CYP4F2: variants seen among roughly 807,000 people sequenced by gnomAD.
The protein encoded by CYP4F2 is cytochrome P450 4F2.
A neutral mutation model predicts 58.9 loss-of-function variants in CYP4F2; 58 were observed. The ratio of observed to expected loss-of-function variants is 0.98; its 90% confidence interval spans 0.80 to 1.23. The LOEUF (loss-of-function observed/expected upper bound fraction) is 1.23. Ranked by LOEUF, CYP4F2 falls within the 50% of genes most tolerant of loss-of-function variation. The pLI is 0.00. For missense variants in CYP4F2, 616 were observed against 685.6 expected (o/e 0.90, Z 1.13); for synonymous variants, 287 against 261.1 (o/e 1.10, Z -0.95).
chr19:15,886,001 C>A lies in CYP4F2; in HGVS notation c.1038G>T (p.Lys346Asn), dbSNP rs189733293. ...GGCAGCGCTCCTGGTATTCTGGGTGCTTTGCAAGGTGGTACAGGACCCAGG... is the reference window on the plus strand; with the variant it reads ...GGCAGCGCTCCTGGTATTCTGGGTGATTTGCAAGGTGGTACAGGACCCAGG... ...GLSWVLYHLA[K>N]HPEYQERCRQ... Residue 346 changes from lysine to asparagine, a missense_variant, in exon 9 of 13, where the codon AAG (lysine) becomes AAT (asparagine). Lys to Asn is a moderately conservative substitution (Grantham distance 94). Transcript: ENST00000221700. 1.9e-6 allele frequency: 3 copies of A among 1,614,132 alleles called. No individual in the cohort carries two copies. The Admixed American group carries it at 5.0e-5, about 27-fold the overall frequency.
intron 9 of CYP4F2, among the ~76,000 whole-genome samples, chr19:15,882,183 C>T (rs190711712): frequency 9.9e-5 from 15 of 151,012 alleles, no homozygotes; most frequent in Admixed American, 8.6e-4. Context: ...AGGCAGAGGT[C>T]GCAGTAAGCT....
intron 4 of CYP4F2, 46 bp downstream of exon 4, chr19:15,892,483 G>A: frequency 1.2e-6 from 2 of 1,613,928 alleles, no homozygotes; most frequent in Non-Finnish European, 1.7e-6. Flanking sequence ...TCCCTCCCCT[G>A]GCCCCCCAAC....
At chr19:15,889,104 A>G (rs2089400071) in intron 7 of CYP4F2, among the ~76,000 whole-genome samples, 1 of 152,248 alleles carries the variant, frequency 6.6e-6, no homozygotes. Flanking sequence ...AGAGACAAAG[A>G]TATAGAAAGA....
chr19:15,897,832 AG>A, intron 1 of CYP4F2, 193 bp downstream of exon 1: 3 of 460,036 alleles, frequency 6.5e-6, no homozygotes, highest in Non-Finnish European at 7.4e-6. Flanking sequence ...AGAATGGGAA[AG>A]AGAGAGAGAG....
chr19:15,889,091 A>G (rs73519202), intron 7 of CYP4F2, among the ~76,000 whole-genome samples: 1,931 of 152,356 alleles, frequency 0.013, 31 homozygotes, highest in African/African-American at 0.043. Context: ...CACAAACTCA[A>G]ACAGAGACAA....
At chr19:15,894,448 T>C (rs556009412) in intron 3 of CYP4F2, among the ~76,000 whole-genome samples, 1 of 152,292 alleles carries the variant, frequency 6.6e-6, no homozygotes, top group East Asian at 1.9e-4. Flanking sequence ...GGACTCATCG[T>C]TGACATCATG....
In CYP4F2 at chr19:15,878,897, C is replaced by T. The variant is rs2089323628; in HGVS notation, c.1437G>A (p.Lys479=). The part of the protein sequence containing the change: ...IGQTFAMAEM[K]VVLALTLLRF... ...GCAGCAGCGTGAGCGCCAGGACCAC[C>T]TTCATCTCCGCCATCGCGAACGTCT... The change falls in exon 13 of 13, where the codon AAG becomes AAA. Residue 479 remains lysine (K), a synonymous_variant. Coordinates refer to ENST00000221700, the MANE Select transcript of CYP4F2 (RefSeq NM_001082.5). The T allele has an allele frequency of 1.9e-6, 3 of 1,614,040 alleles. No individual in the cohort carries two copies. The highest frequency in any genetic ancestry group is 2.5e-6 in the Non-Finnish European group (3 of 1,179,982).
Position 15,879,911 on chromosome 19 carries a change from C to T in CYP4F2, c.1116-14G>A. On this transcript the variant is annotated splice_polypyrimidine_tract_variant and intron_variant, in intron 9 of 12. Coordinates refer to ENST00000221700, the MANE Select transcript of CYP4F2 (RefSeq NM_001082.5). ...GCCAGGTCGTCCCTAAGGAAACACC[C>T]CAGCCCCAATCCTTATCAAGGGAGC... 1 of 1,613,994 alleles carries T rather than the reference C, an allele frequency of 6.2e-7. No individual in the cohort carries two copies. Among genetic ancestry groups the T allele is most frequent in the East Asian group, 2.2e-5 (1 of 44,846 alleles).
At chr19:15,896,129 C>T (rs2089446626) in intron 2 of CYP4F2, among the ~76,000 whole-genome samples, 1 of 151,880 alleles carries the variant, frequency 6.6e-6, no homozygotes, top group Admixed American at 6.6e-5. Context: ...ATCCATGTGT[C>T]CATGCATCCA....
At chr19:15,888,963 C>T (rs1255904834) in intron 7 of CYP4F2, among the ~76,000 whole-genome samples, 2 of 152,006 alleles carry the variant, frequency 1.3e-5, no homozygotes, top group Non-Finnish European at 2.9e-5. Flanking sequence ...TAAACAGAGA[C>T]ATAGAAAAGA....
In CYP4F2 at chr19:15,879,899, T is replaced by C; in HGVS notation, c.1116-2A>G. The C allele has an allele frequency of 6.2e-7, 1 of 1,614,074 alleles. No individual in the cohort carries two copies. On this transcript the variant is annotated splice_acceptor_variant, in intron 9 of 12. Transcript: ENST00000221700. LOFTEE classifies it high-confidence loss of function. ...AAGGGCAAATGGGCCAGGTCGTCCC[T>C]AAGGAAACACCCCAGCCCCAATCCT...
rs1310876042 is a variant in CYP4F2, at chr19:15,892,289, C to G, written c.525+20G>C. 1 of 1,614,066 alleles carries G rather than the reference C, an allele frequency of 6.2e-7. No homozygotes were observed. Among genetic ancestry groups the G allele is most frequent in the South Asian group, 1.1e-5 (1 of 91,074 alleles). On this transcript the variant is annotated intron_variant, in intron 5 of 12. Coordinates refer to ENST00000221700, the MANE Select transcript of CYP4F2 (RefSeq NM_001082.5). Reference sequence around the variant, plus strand: ...TTCACCCCAAGGCTGCAAGTGGGACCTTGGCTTCAAATAACTCACGTGCAT... The same window carrying G: ...TTCACCCCAAGGCTGCAAGTGGGACGTTGGCTTCAAATAACTCACGTGCAT...
At chr19:15,879,112 C>A (rs879133903) in intron 12 of CYP4F2, among the ~76,000 whole-genome samples, 176 bp from the exon 13 acceptor site, 30 of 152,202 alleles carry the variant, frequency 2.0e-4, no homozygotes, top group African/African-American at 7.0e-4. Flanking sequence ...CCTAGCCGAG[C>A]TCCAACCCCC....
chr19:15,881,778 T>C (rs1298696441), intron 9 of CYP4F2, among the ~76,000 whole-genome samples: 1 of 151,362 alleles, frequency 6.6e-6, no homozygotes, highest in East Asian at 1.9e-4. Flanking sequence ...GGTGTGTATA[T>C]ACAATGGAAT....
Position 15,878,640 on chromosome 19 carries a change from T to A in CYP4F2, c.*131A>T. On this transcript the variant is annotated 3_prime_UTR_variant, in exon 13 of 13. Transcript: ENST00000221700. ...AAGCGTCTTTCTGTTTGAACACTTG[T>A]CTCAATTATTTTGAGTAGATATCTA... is the stretch of plus-strand genomic sequence containing the variant. 2 of 1,138,056 alleles carry A rather than the reference T, an allele frequency of 1.8e-6. No homozygotes were observed. The highest frequency in any genetic ancestry group is 3.4e-5 in the South Asian group (2 of 59,052). 70.5% of individuals were successfully genotyped at this position (1,138,056 alleles called of 1,614,324 possible). A position where few individuals can be genotyped will look rare whatever the true frequency, so the allele number is the denominator to read the frequency against.
chr19:15,888,057 G>C, intron 7 of CYP4F2, among the ~76,000 whole-genome samples: 1 of 145,906 alleles, frequency 6.9e-6, no homozygotes, highest in African/African-American at 2.6e-5. Flanking sequence ...CACACACATA[G>C]ACTGTCACAG....
In CYP4F2 at chr19:15,889,134, A is replaced by G. The variant is rs76418965; in HGVS notation, c.918+289T>C. Among the ~76,000 whole-genome samples the G allele has an allele frequency of 7.6e-3, 1,153 of 152,368 alleles. 17 individuals carry two copies. Among genetic ancestry groups the G allele is most frequent in the African/African-American group, 0.019 (802 of 41,586 alleles). On this transcript the variant is annotated intron_variant, in intron 7 of 12. Coordinates refer to ENST00000221700, the MANE Select transcript of CYP4F2 (RefSeq NM_001082.5). ...GAAAGACATAGGCAAAAACATAAAC[A>G]TAGACCAGACATAGATATAGATGTA... is the stretch of plus-strand genomic sequence containing the variant.
chr19:15,891,583 T>C (rs79474842), intron 5 of CYP4F2, among the ~76,000 whole-genome samples: 3,501 of 152,294 alleles, frequency 0.023, 149 homozygotes, highest in African/African-American at 0.077. Flanking sequence ...GAGCCTATTT[T>C]ATCCCCCTGC....
At chr19:15,881,615 TG>T (rs2089345927) in intron 9 of CYP4F2, among the ~76,000 whole-genome samples, 3 of 149,958 alleles carry the variant, frequency 2.0e-5, no homozygotes, top group Admixed American at 6.6e-5. Context: ...AACAAATCTA[TG>T]GCTCTGGAGA....
Sources: gnomAD v4.1 joint callset for allele counts (sites outside exome capture counted in the v4.1 genomes callset) on GRCh38, gnomAD v4.1.1 for gene constraint, MANE v1.5 for transcripts, NCBI Gene and HGNC (gene_info 2026-07-23, HGNC 2026-07-21) for gene names.